Variants in SNX29 observed in about 807,000 individuals in gnomAD.
SNX29 encodes sorting nexin 29.
SNX29 carries 78 observed loss-of-function variants against 102.1 expected under a neutral mutation model. That is an observed-to-expected ratio of 0.76 (90% CI 0.64 to 0.92). The LOEUF is 0.92. Among genes scored for constraint, SNX29 ranks in the 40% least tolerant of loss-of-function variants. The pLI is 0.00. For missense variants in SNX29, 1,280 were observed against 1,061.7 expected, an observed-to-expected ratio of 1.21 and a Z score of -2.86; for synonymous variants, 580 against 414.5, an observed-to-expected ratio of 1.40 and a Z score of -4.85.
chr16:12,543,254 A>C (rs2077425326), intron 20 of SNX29, among the ~76,000 whole-genome samples: 1 of 152,200 alleles, frequency 6.6e-6, no homozygotes, highest in Non-Finnish European at 1.5e-5. Flanking sequence ...TGAATGATGC[A>C]GCTCTGGGTC....
chr16:12,539,696 T>G (rs2077236719), intron 20 of SNX29, among the ~76,000 whole-genome samples: 1 of 152,230 alleles, frequency 6.6e-6, no homozygotes, highest in South Asian at 2.1e-4. Context: ...GGGCAGCATG[T>G]CATACTGTCA....
chr16:12,326,861 C>T (rs1444370596), intron 15 of SNX29, among the ~76,000 whole-genome samples: 7 of 152,144 alleles, frequency 4.6e-5, no homozygotes, highest in African/African-American at 1.7e-4. Flanking sequence ...TGGGGGCAAC[C>T]CCATTTGGTT....
intron 14 of SNX29, among the ~76,000 whole-genome samples, chr16:12,224,690 C>T (rs950389688): frequency 4.6e-5 from 7 of 152,156 alleles, no homozygotes; most frequent in Admixed American, 6.5e-5. Context: ...TTGAATTTAC[C>T]GGTGGATCTT....
intron 13 of SNX29, among the ~76,000 whole-genome samples, chr16:12,151,358 C>T (rs2055293541): frequency 6.6e-6 from 1 of 152,280 alleles, no homozygotes; most frequent in South Asian, 2.1e-4. Context: ...GTTCAAAGTT[C>T]CTTGATGGTC....
At chr16:12,102,394 G>C (rs1199278358) in intron 11 of SNX29, among the ~76,000 whole-genome samples, 1 of 152,212 alleles carries the variant, frequency 6.6e-6, no homozygotes. Context: ...CAGTGTAAAA[G>C]CATTTCTATT....
At chr16:11,978,576 G>A (rs2055352877) in intron 1 of SNX29, among the ~76,000 whole-genome samples, 1 of 152,194 alleles carries the variant, frequency 6.6e-6, no homozygotes, top group South Asian at 2.1e-4. Flanking sequence ...TGTGGGGTAG[G>A]AGTGGGGTTG....
chr16:12,241,964 C>T (rs986691575), intron 14 of SNX29, among the ~76,000 whole-genome samples: 2 of 152,098 alleles, frequency 1.3e-5, no homozygotes, highest in Admixed American at 6.5e-5. Flanking sequence ...GGGGTTGCGC[C>T]GACTCCAGCA....
At chr16:12,457,713 C>G (rs1450549587) in intron 18 of SNX29, among the ~76,000 whole-genome samples, 1 of 152,180 alleles carries the variant, frequency 6.6e-6, no homozygotes. Context: ...CTTTGCAAGC[C>G]TGCAAGATGG....
chr16:12,154,458 G>T (rs2055444121), intron 13 of SNX29, among the ~76,000 whole-genome samples: 2 of 152,142 alleles, frequency 1.3e-5, no homozygotes, highest in Non-Finnish European at 2.9e-5. Flanking sequence ...AGCACTGGCT[G>T]TGGTTCCTAA....
Position 12,571,777 on chromosome 16 carries a change from C to G in SNX29, c.*3148C>G. The G allele has an allele frequency of 4.0e-6, 4 of 1,007,690 alleles. No individual in the cohort carries two copies. Among genetic ancestry groups the G allele is most frequent in the Non-Finnish European group, 3.6e-6 (3 of 827,862 alleles). The allele number at this position is 1,007,690 out of a possible 1,614,324, so 62.4% of individuals were successfully genotyped here. A position where few individuals can be genotyped will look rare whatever the true frequency, so the allele number is the denominator to read the frequency against. On this transcript the variant is annotated 3_prime_UTR_variant, in exon 21 of 21. Transcript: ENST00000566228. Reference sequence around the variant, plus strand: ...CACTCCTGATCTGAGACAGAACCTTCTCCGCCACTCTTCCTGCAATCAGTG... The same window carrying G: ...CACTCCTGATCTGAGACAGAACCTTGTCCGCCACTCTTCCTGCAATCAGTG...
intron 18 of SNX29, among the ~76,000 whole-genome samples, chr16:12,421,365 C>T (rs1324764538): frequency 6.6e-6 from 1 of 152,208 alleles, no homozygotes; most frequent in Admixed American, 6.5e-5. Flanking sequence ...AAACCAAGGT[C>T]TCAAAGGAGG....
chr16:12,057,546 C>T (rs1189045067), intron 8 of SNX29, among the ~76,000 whole-genome samples: 19 of 152,046 alleles, frequency 1.2e-4, no homozygotes, highest in South Asian at 4.1e-4. Flanking sequence ...AGTCCCAGTG[C>T]GAGAAGCAGC....
At chr16:12,425,971 C>G (rs2085061537) in intron 18 of SNX29, among the ~76,000 whole-genome samples, 1 of 152,072 alleles carries the variant, frequency 6.6e-6, no homozygotes, top group Non-Finnish European at 1.5e-5. Context: ...CACAGCCTGC[C>G]AAGACCTTCA....
intron 19 of SNX29, among the ~76,000 whole-genome samples, chr16:12,501,475 A>G (rs952786636): frequency 6.6e-6 from 1 of 152,104 alleles, no homozygotes; most frequent in Non-Finnish European, 1.5e-5. Context: ...TAATCCCAGC[A>G]CTTTGGGAGG....
intron 18 of SNX29, among the ~76,000 whole-genome samples, chr16:12,477,190 G>T (rs1221584479): frequency 6.6e-6 from 1 of 152,110 alleles, no homozygotes; most frequent in African/African-American, 2.4e-5. Context: ...CACGGCATTC[G>T]GTCTAGTGGG....
chr16:12,088,273 C>T (rs1231972023), intron 11 of SNX29: 1 of 379,020 alleles, frequency 2.6e-6, no homozygotes, highest in Non-Finnish European at 5.2e-6. Context: ...TCTGCGGGGT[C>T]AGAGCAGGGG....
intron 20 of SNX29, among the ~76,000 whole-genome samples, chr16:12,553,271 G>T (rs964945270): frequency 6.6e-6 from 1 of 152,238 alleles, no homozygotes; most frequent in African/African-American, 2.4e-5. Context: ...CTGCCGCCTA[G>T]GGGCACAGAG....
chr16:12,021,478 C>T (rs1387888016), intron 3 of SNX29, among the ~76,000 whole-genome samples: 1 of 151,854 alleles, frequency 6.6e-6, no homozygotes, highest in Non-Finnish European at 1.5e-5. Context: ...TAATTTGATG[C>T]AGTTTATAAA....
At chr16:12,248,612 C>T (rs969260154) in intron 14 of SNX29, among the ~76,000 whole-genome samples, 14 of 151,886 alleles carry the variant, frequency 9.2e-5, no homozygotes, top group African/African-American at 2.9e-4. Context: ...GAGGGGGTCT[C>T]GCCAGATTGG....
Sources: gnomAD v4.1 joint callset for allele counts (sites outside exome capture counted in the v4.1 genomes callset) on GRCh38, gnomAD v4.1.1 for gene constraint, MANE v1.5 for transcripts, NCBI Gene and HGNC (gene_info 2026-07-23, HGNC 2026-07-21) for gene names.